Variants in BRINP1 observed in about 807,000 individuals in gnomAD.
BRINP1 encodes BMP/retinoic acid-inducible neural-specific protein 1.
A neutral mutation model predicts 72.9 loss-of-function variants in BRINP1; 17 were observed. The observed-to-expected ratio is 0.23, with a 90% CI of 0.16 to 0.35. The LOEUF (loss-of-function observed/expected upper bound fraction) is 0.35. Ranked by LOEUF, BRINP1 falls within the 10% of genes least tolerant of loss-of-function variation. The pLI is 1.00. For missense variants in BRINP1, 850 were observed against 1,001.6 expected (o/e 0.85, Z 2.04); for synonymous variants, 418 against 378.5 (o/e 1.10, Z -1.21).
intron 1 of BRINP1, among the ~76,000 whole-genome samples, chr9:119,360,093 A>G (rs1831613475): frequency 6.6e-6 from 1 of 152,184 alleles, no homozygotes; most frequent in African/African-American, 2.4e-5. Flanking sequence ...TTGTTGTCCT[A>G]TTGATATACA....
chr9:119,313,523 C>A, intron 1 of BRINP1, 118 bp from the exon 2 acceptor site: 1 of 861,832 alleles, frequency 1.2e-6, no homozygotes, highest in Non-Finnish European at 1.7e-6. Context: ...ATTAACACAT[C>A]TTCATAATAA....
At chr9:119,189,691 A>C (rs547522165) in intron 7 of BRINP1, among the ~76,000 whole-genome samples, 1 of 152,238 alleles carries the variant, frequency 6.6e-6, no homozygotes, top group South Asian at 2.1e-4. Context: ...AATGAACCTG[A>C]AGGAATAAAT....
In BRINP1 at chr9:119,369,378, C is replaced by G. The variant is rs747937461; in HGVS notation, c.-373G>C. 668 of 397,478 alleles carry G rather than the reference C, an allele frequency of 1.7e-3. 5 individuals carry two copies. Among genetic ancestry groups the G allele is most frequent in the Middle Eastern group, 6.3e-4 (1 of 1,586 alleles). The allele number at this position is 397,478 out of a possible 1,614,324, so 24.6% of individuals were successfully genotyped here. A position where few individuals can be genotyped will look rare whatever the true frequency, so the allele number is the denominator to read the frequency against. On this transcript the variant is annotated 5_prime_UTR_variant, in exon 1 of 8. Transcript: ENST00000265922. ...GTTCGCTCGCCTGCGCTCTCCTCCT[C>G]CCCGCGCGCCAGATCAGTTTGCAGC...
chr9:119,355,133 G>A (rs1291544377), intron 1 of BRINP1, among the ~76,000 whole-genome samples: 1 of 152,048 alleles, frequency 6.6e-6, no homozygotes, highest in East Asian at 1.9e-4. Context: ...ATTCATTAAA[G>A]AAATATTAGA....
chr9:119,284,137 C>CGGGA (rs1830738195), intron 2 of BRINP1, among the ~76,000 whole-genome samples: 1 of 152,172 alleles, frequency 6.6e-6, no homozygotes, highest in South Asian at 2.1e-4. Flanking sequence ...ATCTGGGTTT[C>CGGGA]GCTTTTTGCT....
chr9:119,347,276 A>G (rs1022810068), intron 1 of BRINP1, among the ~76,000 whole-genome samples: 9 of 152,058 alleles, frequency 5.9e-5, no homozygotes, highest in Non-Finnish European at 1.5e-5. Flanking sequence ...CAATGAGGAG[A>G]TTAAGAGCAG....
intron 7 of BRINP1, among the ~76,000 whole-genome samples, chr9:119,171,431 ACTAT>A (rs1481759356): frequency 6.8e-6 from 1 of 148,064 alleles, no homozygotes; most frequent in East Asian, 2.0e-4. Flanking sequence ...AGAAGAGCTA[ACTAT>A]CCTAAATATA....
chr9:119,178,464 A>G (rs1182157524), intron 7 of BRINP1, among the ~76,000 whole-genome samples: 1 of 152,242 alleles, frequency 6.6e-6, no homozygotes, highest in Non-Finnish European at 1.5e-5. Context: ...AAATTGCAAT[A>G]ATGAGGAAAA....
At chr9:119,269,455 G>A (rs1830585920) in intron 2 of BRINP1, among the ~76,000 whole-genome samples, 1 of 152,120 alleles carries the variant, frequency 6.6e-6, no homozygotes, top group African/African-American at 2.4e-5. Flanking sequence ...GGGATTGTGA[G>A]AGTTTGCCCA....
chr9:119,258,043 A>G (rs184885007), intron 2 of BRINP1, among the ~76,000 whole-genome samples: 4 of 152,352 alleles, frequency 2.6e-5, no homozygotes, highest in Admixed American at 2.0e-4. Flanking sequence ...GAATAGTATT[A>G]TTTTAATTAC....
chr9:119,193,939 C>T (rs1829707327), intron 7 of BRINP1, among the ~76,000 whole-genome samples: 2 of 152,148 alleles, frequency 1.3e-5, no homozygotes, highest in African/African-American at 4.8e-5. Context: ...CCTCCTATCC[C>T]TTGGAAAATT....
intron 2 of BRINP1, among the ~76,000 whole-genome samples, chr9:119,255,793 C>T (rs967807661): frequency 1.3e-5 from 2 of 151,514 alleles, no homozygotes; most frequent in Admixed American, 6.6e-5. Context: ...ATCTCTACTA[C>T]ACATACAAAA....
At position 119,355,589 on chromosome 9, in the gene BRINP1, C is replaced by A. The variant is rs559324691; in HGVS notation, c.-51+13467G>T. ...TAAAAACACAAAAAAATTAGCCGGG[C>A]GTGGTGGTGGGTGCCTGTAGTCCCA... On this transcript the variant is annotated intron_variant, in intron 1 of 7. Transcript: ENST00000265922. Among the ~76,000 whole-genome samples, 117 of 152,020 alleles carry A rather than the reference C, an allele frequency of 7.7e-4. 1 individual carries two copies. The highest frequency in any genetic ancestry group is 2.7e-3 in the African/African-American group (113 of 41,482).
chr9:119,205,407 CTG>C (rs1829843596), intron 7 of BRINP1, among the ~76,000 whole-genome samples: 1 of 152,174 alleles, frequency 6.6e-6, no homozygotes, highest in Non-Finnish European at 1.5e-5. Flanking sequence ...GACGGCAACA[CTG>C]TGAGCTCTTT....
intron 7 of BRINP1, among the ~76,000 whole-genome samples, chr9:119,179,521 T>C (rs1350399008): frequency 1.3e-5 from 2 of 152,182 alleles, no homozygotes; most frequent in Non-Finnish European, 2.9e-5. Flanking sequence ...TTCTTCTTTC[T>C]CACGTTTAGG....
chr9:119,350,439 A>G (rs371369227), intron 1 of BRINP1, among the ~76,000 whole-genome samples: 11 of 152,058 alleles, frequency 7.2e-5, no homozygotes, highest in Non-Finnish European at 1.5e-4. Context: ...GCCGCTCTCT[A>G]TCTCTTGGGT....
intron 1 of BRINP1, among the ~76,000 whole-genome samples, chr9:119,346,666 G>A (rs147860480): frequency 9.9e-5 from 15 of 152,186 alleles, no homozygotes; most frequent in African/African-American, 2.9e-4. Context: ...CAATAGAATC[G>A]CAAGATAGAA....
At chr9:119,220,059 C>T (rs1446694922) in intron 5 of BRINP1, among the ~76,000 whole-genome samples, 1 of 152,126 alleles carries the variant, frequency 6.6e-6, no homozygotes, top group Non-Finnish European at 1.5e-5. Context: ...AGAAAGAGTA[C>T]TTGCACACAA....
intron 7 of BRINP1, among the ~76,000 whole-genome samples, chr9:119,175,571 C>G (rs1037901534): frequency 1.3e-5 from 2 of 152,088 alleles, no homozygotes; most frequent in African/African-American, 4.8e-5. Context: ...TCCAAACTCT[C>G]CATTCAGTTG....
Sources: allele counts gnomAD v4.1 joint callset (sites outside exome capture counted in the v4.1 genomes callset), GRCh38; gene constraint gnomAD v4.1.1; transcripts MANE v1.5; gene names NCBI Gene and HGNC (gene_info 2026-07-23, HGNC 2026-07-21).